The following RORA variants were observed in gnomAD, a reference collection of about 807,000 sequenced individuals.
RORA encodes nuclear receptor ROR-alpha.
Under a neutral mutation model 69.5 loss-of-function variants are expected in RORA, and 7 were observed. That is an observed-to-expected ratio of 0.10 (90% CI 0.06 to 0.19). The LOEUF (loss-of-function observed/expected upper bound fraction) is 0.19, where lower values mean the gene tolerates loss of function less well. Ranked by LOEUF, RORA falls within the 10% of genes least tolerant of loss-of-function variation. The probability of loss-of-function intolerance (pLI) is 1.00; values close to 1 mark genes in which losing one functional copy is unlikely to be tolerated. For missense variants in RORA, 457 were observed against 663.0 expected (o/e 0.69, Z 3.41); for synonymous variants, 261 against 240.8 (o/e 1.08, Z -0.78).
chr15:60,665,685 ATTCT>A (rs1021665947), intron 2 of RORA, among the ~76,000 whole-genome samples: 11 of 151,980 alleles, frequency 7.2e-5, no homozygotes, highest in East Asian at 3.9e-4. Context: ...ATAAATACCT[ATTCT>A]TTCTTTCTTT....
Position 60,947,707 on chromosome 15 carries a change from A to AAAAC in RORA, c.167-269022_167-269021insGTTT, listed in dbSNP as rs1356162821. On this transcript the variant is annotated intron_variant, in intron 1 of 10. Transcript: ENST00000335670. The stretch of plus-strand genomic sequence containing the variant: ...GATCAATAAAAAAAAAAAAAAAAAA[A>AAAAC]AAAATGAAACAAAAAAGGGCCGTTT... 2.8e-3 allele frequency among the ~76,000 whole-genome samples: 400 copies of AAAAC among 145,068 alleles called. 4 individuals are homozygous for AAAAC. The highest frequency in any genetic ancestry group is 9.4e-3 in the African/African-American group (381 of 40,594).
At chr15:61,106,639 T>G (rs1566991970) in intron 1 of RORA, among the ~76,000 whole-genome samples, 1 of 152,190 alleles carries the variant, frequency 6.6e-6, no homozygotes, top group Non-Finnish European at 1.5e-5. Flanking sequence ...ACATTGTCTA[T>G]TTTTCACACT....
At chr15:60,843,566 A>G (rs2073227793) in intron 1 of RORA, among the ~76,000 whole-genome samples, 1 of 152,188 alleles carries the variant, frequency 6.6e-6, no homozygotes, top group South Asian at 2.1e-4. Flanking sequence ...TAGCTGCCCA[A>G]GGGCAAGATG....
intron 2 of RORA, chr15:60,677,069 C>G: frequency 4.8e-6 from 2 of 412,990 alleles, no homozygotes; most frequent in Non-Finnish European, 1.0e-5. Flanking sequence ...TACCCCAAAC[C>G]ACCATAAACA....
chr15:60,955,698 C>A (rs945490134), intron 1 of RORA, among the ~76,000 whole-genome samples: 1 of 152,176 alleles, frequency 6.6e-6, no homozygotes, highest in South Asian at 2.1e-4. Flanking sequence ...GGAGACTTGG[C>A]CCCCATATAT....
chr15:60,592,441 A>G, intron 2 of RORA: 2 of 1,417,730 alleles, frequency 1.4e-6, no homozygotes, highest in East Asian at 3.2e-5. Flanking sequence ...CGGAGAGCGC[A>G]GGGAGAGCGG....
intron 2 of RORA, among the ~76,000 whole-genome samples, chr15:60,595,139 C>T (rs754255471): frequency 1.1e-4 from 17 of 151,916 alleles, no homozygotes; most frequent in Non-Finnish European, 2.4e-4. Flanking sequence ...ATTGAAGGGA[C>T]ATCTCCCTTC....
At chr15:61,136,511 TC>T (rs1310949568) in intron 1 of RORA, among the ~76,000 whole-genome samples, 1 of 152,204 alleles carries the variant, frequency 6.6e-6, no homozygotes, top group East Asian at 1.9e-4. Flanking sequence ...ACTATTTTTT[TC>T]ATTAAAGAAA....
intron 1 of RORA, among the ~76,000 whole-genome samples, chr15:60,899,496 C>G (rs1478724036): frequency 6.6e-6 from 1 of 152,152 alleles, no homozygotes; most frequent in Non-Finnish European, 1.5e-5. Flanking sequence ...AGGTAAGTGA[C>G]CCAGACAGGG....
intron 2 of RORA, among the ~76,000 whole-genome samples, chr15:60,657,723 A>T (rs2070243247): frequency 6.6e-6 from 1 of 152,212 alleles, no homozygotes; most frequent in Non-Finnish European, 1.5e-5. Flanking sequence ...ATACTTCAAG[A>T]AAAAAAGGAA....
intron 1 of RORA, among the ~76,000 whole-genome samples, chr15:61,111,655 T>C (rs571182612): frequency 2.6e-5 from 4 of 152,330 alleles, no homozygotes; most frequent in Non-Finnish European, 5.9e-5. Context: ...TTACCAAGTA[T>C]GCCCTTATTT....
Position 61,172,760 on chromosome 15 carries a change from C to T in RORA, c.166+56293G>A, listed in dbSNP as rs1375031136. ...GTTTTCTACTATTTTCCGTTAGAAT[C>T]ATTTCCAGGGTAAATCACACTTCAG... On this transcript the variant is annotated intron_variant, in intron 1 of 10. Coordinates refer to ENST00000335670, the MANE Select transcript of RORA (RefSeq NM_134261.3). Among the ~76,000 whole-genome samples, 10 of 152,288 alleles carry T rather than the reference C, an allele frequency of 6.6e-5. 1 individual carries two copies. In the East Asian group the frequency reaches 1.9e-3, roughly 29 times the overall value.
chr15:61,049,023 C>T (rs534575369), intron 1 of RORA, among the ~76,000 whole-genome samples: 29 of 152,292 alleles, frequency 1.9e-4, no homozygotes, highest in Admixed American at 1.0e-3. Context: ...GAATCATTCC[C>T]CCTTGGACAC....
chr15:60,803,285 CAGCTGG>C (rs2072612987), intron 1 of RORA, among the ~76,000 whole-genome samples: 1 of 152,172 alleles, frequency 6.6e-6, no homozygotes, highest in African/African-American at 2.4e-5. Context: ...CCCTTCGGAC[CAGCTGG>C]GAATGGTCCA....
At chr15:60,951,798 A>G (rs982239268) in intron 1 of RORA, among the ~76,000 whole-genome samples, 1 of 152,240 alleles carries the variant, frequency 6.6e-6, no homozygotes, top group Non-Finnish European at 1.5e-5. Context: ...GCAATAGTCA[A>G]TAATTTACCA....
At chr15:60,741,147 T>A (rs971671400) in intron 1 of RORA, among the ~76,000 whole-genome samples, 5 of 152,202 alleles carry the variant, frequency 3.3e-5, no homozygotes, top group Non-Finnish European at 7.4e-5. Flanking sequence ...GTTACAACAC[T>A]GACCATTAAC....
chr15:61,197,635 A>G (rs1018468999), intron 1 of RORA, among the ~76,000 whole-genome samples: 1 of 152,172 alleles, frequency 6.6e-6, no homozygotes, highest in African/African-American at 2.4e-5. Flanking sequence ...AGGCTGAGAG[A>G]AGGACATTCA....
intron 1 of RORA, among the ~76,000 whole-genome samples, chr15:60,726,240 C>T (rs1292239510): frequency 1.3e-5 from 2 of 152,102 alleles, no homozygotes; most frequent in Non-Finnish European, 2.9e-5. Flanking sequence ...TGTCCAGAAT[C>T]CCCCTTTAAG....
At position 60,692,622 on chromosome 15, in the gene RORA, G is replaced by A. The variant is rs1444567874; in HGVS notation, c.167-13936C>T. Among the ~76,000 whole-genome samples, 3 of 152,190 alleles carry A rather than the reference G, an allele frequency of 2.0e-5. No homozygotes were observed. In the East Asian group the frequency reaches 5.8e-4, roughly 29 times the overall value. On this transcript the variant is annotated intron_variant, in intron 1 of 10. Transcript: ENST00000335670. ...TAAAATGCTTTAGCAAAGGGAAACAGGGATAGATAAAGCAAGTGTGACAAA... is the reference window on the plus strand; with the variant it reads ...TAAAATGCTTTAGCAAAGGGAAACAAGGATAGATAAAGCAAGTGTGACAAA...
Sources: allele counts gnomAD v4.1 joint callset (sites outside exome capture counted in the v4.1 genomes callset), GRCh38; gene constraint gnomAD v4.1.1; transcripts MANE v1.5; gene names NCBI Gene and HGNC (gene_info 2026-07-23, HGNC 2026-07-21).